EPB41L3: variants seen among roughly 807,000 people sequenced by gnomAD.
The protein encoded by EPB41L3 is erythrocyte membrane protein band 4.1 like 3.
Under a neutral mutation model 127.1 loss-of-function variants are expected in EPB41L3, and 57 were observed. That is an observed-to-expected ratio of 0.45 (90% CI 0.36 to 0.56). The LOEUF is 0.56. Among genes scored for constraint, EPB41L3 ranks in the 20% least tolerant of loss-of-function variants. EPB41L3 has a pLI of 0.00. For synonymous variants in EPB41L3, 572 were observed against 549.5 expected (o/e 1.04, Z -0.57); for missense variants, 1,273 against 1,372.2 (o/e 0.93, Z 1.14).
intron 1 of EPB41L3, among the ~76,000 whole-genome samples, chr18:5,614,655 T>C (rs1191518177): frequency 2.0e-5 from 3 of 147,002 alleles, no homozygotes; most frequent in South Asian, 4.3e-4. Flanking sequence ...AAACCCCTTC[T>C]GTACTCCCCT....
intron 2 of EPB41L3, 131 bp from the exon 3 acceptor site, chr18:5,478,569 T>C: frequency 1.4e-6 from 1 of 732,160 alleles, no homozygotes; most frequent in Non-Finnish European, 2.2e-6. Context: ...TAGGAATAGA[T>C]ATAAATATAC....
chr18:5,622,804 G>T (rs114985229), intron 1 of EPB41L3, among the ~76,000 whole-genome samples: 3,501 of 152,220 alleles, frequency 0.023, 113 homozygotes, highest in African/African-American at 0.079. Flanking sequence ...CTATTAGGGG[G>T]AAAGAAGTAT....
chr18:5,396,979 C>T, intron 18 of EPB41L3, 79 bp downstream of exon 18: 1 of 1,449,954 alleles, frequency 6.9e-7, no homozygotes, highest in Non-Finnish European at 9.2e-7. Context: ...CTTAGCTCCA[C>T]CTTTATGCTG....
At chr18:5,555,434 T>C (rs768636799) in intron 3 of EPB41L3, among the ~76,000 whole-genome samples, 14 of 152,178 alleles carry the variant, frequency 9.2e-5, no homozygotes, top group Non-Finnish European at 1.3e-4. Context: ...TTTACTCACA[T>C]TTGTATTTTT....
intron 3 of EPB41L3, among the ~76,000 whole-genome samples, chr18:5,455,670 C>G (rs2082936138): frequency 6.7e-6 from 1 of 150,358 alleles, no homozygotes; most frequent in African/African-American, 2.5e-5. Flanking sequence ...ATTTCCGTCT[C>G]TACTTGAAAC....
intron 16 of EPB41L3, chr18:5,399,025 G>A: frequency 2.5e-6 from 1 of 399,188 alleles, no homozygotes; most frequent in Non-Finnish European, 4.4e-6. Flanking sequence ...GCCAGGCCGG[G>A]AATGATCTTC....
At chr18:5,544,361 G>A, upstream of EPB41L3, 1 of 979,062 alleles carries the variant, frequency 1.0e-6, no homozygotes, top group Non-Finnish European at 1.2e-6. Context: ...GAGGGAGAGG[G>A]TGTTCCTGAC....
intron 3 of EPB41L3, among the ~76,000 whole-genome samples, chr18:5,575,044 G>A (rs896041690): frequency 6.6e-6 from 1 of 152,158 alleles, no homozygotes; most frequent in South Asian, 2.1e-4. Context: ...CACTGGATAT[G>A]AGCATGTGCC....
At chr18:5,494,713 C>A (rs1241279129) in intron 1 of EPB41L3, among the ~76,000 whole-genome samples, 2 of 138,276 alleles carry the variant, frequency 1.4e-5, no homozygotes, top group African/African-American at 5.4e-5. Flanking sequence ...GGAAAAAGTT[C>A]TAGGCAGAGG....
At position 5,410,587 on chromosome 18, in the gene EPB41L3, G is replaced by A. The variant is rs61731697; in HGVS notation, c.2100C>T (p.Asp700=). 3.4e-4 allele frequency: 550 copies of A among 1,613,554 alleles called. 3 individuals are homozygous for A. The African/African-American group carries it at 5.9e-3, about 17-fold the overall frequency. The change falls in exon 14 of 23, where the codon GAC becomes GAT. Residue 700 remains aspartate (D), a synonymous_variant. Transcript: ENST00000341928. The stretch of plus-strand genomic sequence containing the variant: ...CAACCTCAGTGGCAGTGGTCTCCCC[G>A]TCGGCTGCGGTGTCCGTGCGCTCAC... ...TDSERTDTAA[D]GETTATESDQ...
intron 16 of EPB41L3, among the ~76,000 whole-genome samples, chr18:5,406,438 G>C (rs1167158462): frequency 6.6e-6 from 1 of 152,082 alleles, no homozygotes; most frequent in East Asian, 1.9e-4. Context: ...AGCAAAAGTA[G>C]AAAGCATATG....
At chr18:5,513,290 C>G (rs1011372238) in intron 1 of EPB41L3, among the ~76,000 whole-genome samples, 5 of 152,120 alleles carry the variant, frequency 3.3e-5, no homozygotes, top group African/African-American at 1.2e-4. Context: ...ACCTAACCTA[C>G]GCTAATCAAC....
In EPB41L3 at chr18:5,428,217, C is replaced by T. The variant is rs1008597441; in HGVS notation, c.1065+96G>A. 1.2e-5 allele frequency: 17 copies of T among 1,441,974 alleles called. No individual in the cohort carries two copies. The African/African-American group carries it at 1.7e-4, about 14-fold the overall frequency. 89.3% of individuals were successfully genotyped at this position (1,441,974 alleles called of 1,614,324 possible). ...GCACTTAGATGTCATTCACTGTGTCCCACAATGCTCAGAACTCATAAGCAG... is the reference window on the plus strand; with the variant it reads ...GCACTTAGATGTCATTCACTGTGTCTCACAATGCTCAGAACTCATAAGCAG... On this transcript the variant is annotated intron_variant, in intron 9 of 22. Coordinates refer to ENST00000341928, the MANE Select transcript of EPB41L3 (RefSeq NM_012307.5).
At chr18:5,630,340 G>A (rs766376291), upstream of EPB41L3, 4 of 516,986 alleles carry the variant, frequency 7.7e-6, no homozygotes, top group South Asian at 5.6e-5. Context: ...GGCGCTCCCG[G>A]CCTACGCCCG....
chr18:5,435,532 C>T (rs1487525857), intron 6 of EPB41L3, among the ~76,000 whole-genome samples: 1 of 152,196 alleles, frequency 6.6e-6, no homozygotes, highest in Admixed American at 6.5e-5. Flanking sequence ...GTCACATGCT[C>T]TACAGGTTTC....
At chr18:5,454,685 C>T (rs2082769402) in intron 3 of EPB41L3, among the ~76,000 whole-genome samples, 1 of 152,212 alleles carries the variant, frequency 6.6e-6, no homozygotes, top group African/African-American at 2.4e-5. Flanking sequence ...TTCAAACATT[C>T]ATCAGTCAAT....
chr18:5,617,850 AT>A (rs1475373388), intron 1 of EPB41L3, among the ~76,000 whole-genome samples: 2 of 152,214 alleles, frequency 1.3e-5, no homozygotes, highest in African/African-American at 4.8e-5. Context: ...TTAGGATAGT[AT>A]GTCCAAAGAA....
In EPB41L3 at chr18:5,398,099, G is replaced by C. The variant is rs2073885452; in HGVS notation, c.2394C>G (p.Ile798Met). 1.2e-6 allele frequency: 2 copies of C among 1,614,116 alleles called. No homozygotes were observed. Among genetic ancestry groups the C allele is most frequent in the Non-Finnish European group, 1.7e-6 (2 of 1,180,016 alleles). ...TTCGCGCAGACTCTAATAAACTGAAGATTTCAGAGCCATCCATGAGCTTTT... is the reference window on the plus strand; with the variant it reads ...TTCGCGCAGACTCTAATAAACTGAACATTTCAGAGCCATCCATGAGCTTTT... ...SGEKLMDGSE[I>M]FSLLESARKP... Residue 798 changes from isoleucine to methionine, a missense_variant, in exon 17 of 23, where the codon ATC (isoleucine) becomes ATG (methionine). Physicochemically the swap from Ile to Met is conservative, Grantham distance 10. Transcript: ENST00000341928.
At chr18:5,565,599 T>A (rs1215055992) in intron 3 of EPB41L3, among the ~76,000 whole-genome samples, 6 of 143,484 alleles carry the variant, frequency 4.2e-5, no homozygotes, top group African/African-American at 1.6e-4. Context: ...ATGTTATTGT[T>A]ATCCCTCCCC....
Sources: allele counts gnomAD v4.1 joint callset (sites outside exome capture counted in the v4.1 genomes callset), GRCh38; gene constraint gnomAD v4.1.1; transcripts MANE v1.5; gene names NCBI Gene and HGNC (gene_info 2026-07-23, HGNC 2026-07-21).